TTC7B: variants seen among roughly 807,000 people sequenced by gnomAD.
TTC7B encodes the protein tetratricopeptide repeat protein 7B.
In TTC7B, 28 loss-of-function variants were observed where a neutral mutation model predicts 106.8. That is an observed-to-expected ratio of 0.26 (90% CI 0.19 to 0.36). The LOEUF is 0.36. Among genes scored for constraint, TTC7B ranks in the 10% least tolerant of loss-of-function variants. The pLI is 1.00. For synonymous variants in TTC7B, 405 were observed against 430.6 expected (o/e 0.94, Z 0.74); for missense variants, 862 against 1,076.4 (o/e 0.80, Z 2.79).
At chr14:90,762,508 CTTAA>C (rs1890533774) in intron 3 of TTC7B, among the ~76,000 whole-genome samples, 1 of 152,214 alleles carries the variant, frequency 6.6e-6, no homozygotes, top group Admixed American at 6.5e-5. Context: ...TGCTTAAAAA[CTTAA>C]TTAAGTCATT....
At chr14:90,765,702 G>A (rs988097994) in intron 3 of TTC7B, among the ~76,000 whole-genome samples, 3 of 152,272 alleles carry the variant, frequency 2.0e-5, no homozygotes, top group African/African-American at 7.2e-5. Context: ...TAGAAGCTGT[G>A]AACACATTCC....
chr14:90,736,365 G>T (rs1889526961), intron 4 of TTC7B, among the ~76,000 whole-genome samples: 1 of 152,114 alleles, frequency 6.6e-6, no homozygotes, highest in Non-Finnish European at 1.5e-5. Context: ...GTGGTCAGGA[G>T]TTCGAGAACA....
chr14:90,550,538 C>T (rs947137628), intron 19 of TTC7B, among the ~76,000 whole-genome samples: 5 of 152,224 alleles, frequency 3.3e-5, no homozygotes, highest in African/African-American at 1.2e-4. Flanking sequence ...CCTGAGGCTA[C>T]ATTTCCCAGC....
chr14:90,683,671 T>C (rs771151330), intron 7 of TTC7B, among the ~76,000 whole-genome samples: 2 of 152,122 alleles, frequency 1.3e-5, no homozygotes, highest in Non-Finnish European at 1.5e-5. Flanking sequence ...CGCAGCCCAG[T>C]GCAGGTCCAC....
chr14:90,752,914 A>G (rs994797257), intron 3 of TTC7B, among the ~76,000 whole-genome samples: 8 of 152,264 alleles, frequency 5.3e-5, no homozygotes, highest in Non-Finnish European at 1.2e-4. Flanking sequence ...ATCAAAGTCT[A>G]GAACTTTAGG....
chr14:90,790,686 G>A lies in TTC7B; in HGVS notation c.122-4358C>T, dbSNP rs551396717. Among the ~76,000 whole-genome samples the A allele has an allele frequency of 8.6e-5, 13 of 152,042 alleles. No individual in the cohort carries two copies. In the South Asian group the frequency reaches 1.5e-3, roughly 17 times the overall value. On this transcript the variant is annotated intron_variant, in intron 1 of 19. Coordinates refer to ENST00000328459, the MANE Select transcript of TTC7B (RefSeq NM_001010854.2). ...CTCCAAGCCAGGGAGCAGAAACAAC[G>A]GGAGATCAGGACCCCTGCTACCTAT...
chr14:90,586,970 C>T (rs1412603232), intron 18 of TTC7B, among the ~76,000 whole-genome samples: 1 of 152,202 alleles, frequency 6.6e-6, no homozygotes, highest in Non-Finnish European at 1.5e-5. Context: ...ATCCAACCTA[C>T]AACAAGTCCC....
chr14:90,764,545 A>G (rs1324384213), intron 3 of TTC7B, among the ~76,000 whole-genome samples: 2 of 152,178 alleles, frequency 1.3e-5, no homozygotes, highest in South Asian at 2.1e-4. Context: ...TGTAGAAAAT[A>G]TTTACAAACC....
At chr14:90,596,367 A>G (rs1459314341) in intron 17 of TTC7B, among the ~76,000 whole-genome samples, 2 of 152,210 alleles carry the variant, frequency 1.3e-5, no homozygotes, top group Non-Finnish European at 2.9e-5. Context: ...ATTTATACAC[A>G]ACTAAATCAA....
chr14:90,788,975 T>A (rs974438063), intron 1 of TTC7B, among the ~76,000 whole-genome samples: 7 of 151,618 alleles, frequency 4.6e-5, no homozygotes, highest in Non-Finnish European at 8.8e-5. Flanking sequence ...AAAAAAAAAA[T>A]TCCTCTAAAT....
At chr14:90,682,097 A>G (rs1227296055) in intron 7 of TTC7B, among the ~76,000 whole-genome samples, 4 of 152,208 alleles carry the variant, frequency 2.6e-5, no homozygotes. Flanking sequence ...TGCAACTAGG[A>G]TCTTGCAAAT....
At chr14:90,596,114 A>G (rs1325403323) in intron 17 of TTC7B, among the ~76,000 whole-genome samples, 2 of 152,090 alleles carry the variant, frequency 1.3e-5, no homozygotes, top group Non-Finnish European at 2.9e-5. Context: ...AAGTAAAAAC[A>G]TGTTTTTTTT....
intron 17 of TTC7B, among the ~76,000 whole-genome samples, chr14:90,601,763 T>C (rs1892433443): frequency 6.6e-6 from 1 of 152,194 alleles, no homozygotes; most frequent in Admixed American, 6.5e-5. Context: ...CTGCCCAGGG[T>C]GTAACTCAGG....
chr14:90,609,814 T>G (rs1892802815), intron 17 of TTC7B, among the ~76,000 whole-genome samples: 2 of 152,316 alleles, frequency 1.3e-5, no homozygotes, highest in Admixed American at 6.5e-5. Flanking sequence ...AGATTACAAC[T>G]GAATCATTGG....
At chr14:90,714,648 G>A (rs1052463749) in intron 5 of TTC7B, among the ~76,000 whole-genome samples, 1 of 151,888 alleles carries the variant, frequency 6.6e-6, no homozygotes, top group South Asian at 2.1e-4. Context: ...GTAGAGATGG[G>A]GTTTCACCAT....
intron 9 of TTC7B, among the ~76,000 whole-genome samples, chr14:90,672,849 T>G (rs1027369192): frequency 2.0e-5 from 3 of 152,226 alleles, no homozygotes; most frequent in African/African-American, 7.2e-5. Flanking sequence ...AGCATACAGT[T>G]GCCTCTTAAC....
In TTC7B at chr14:90,535,588, G is replaced by C. The variant is rs891042666; in HGVS notation, c.*5780C>G. 38 of 152,452 alleles carry C rather than the reference G, an allele frequency of 2.5e-4. No homozygotes were observed. The highest frequency in any genetic ancestry group is 2.4e-3 in the Admixed American group (37 of 15,278). 9.4% of individuals were successfully genotyped at this position (152,452 alleles called of 1,614,324 possible). A position where few individuals can be genotyped will look rare whatever the true frequency, so the allele number is the denominator to read the frequency against. Reference sequence around the variant, plus strand: ...CGAGGCCGCCTTCAACACTCAACACGGCCCCTTCCCCACCGGACTCCTAAC... The same window carrying C: ...CGAGGCCGCCTTCAACACTCAACACCGCCCCTTCCCCACCGGACTCCTAAC... On this transcript the variant is annotated 3_prime_UTR_variant, in exon 20 of 20. Transcript: ENST00000328459.
intron 8 of TTC7B, among the ~76,000 whole-genome samples, chr14:90,679,360 T>C (rs1377537228): frequency 6.6e-6 from 1 of 152,216 alleles, no homozygotes; most frequent in East Asian, 1.9e-4. Flanking sequence ...ATGTACGTTA[T>C]TATGCTCAGA....
intron 17 of TTC7B, among the ~76,000 whole-genome samples, chr14:90,607,358 C>G (rs569220742): frequency 6.6e-6 from 1 of 152,318 alleles, no homozygotes; most frequent in Admixed American, 6.5e-5. Context: ...GATGCTAACA[C>G]TGCAGGGCTC....
Sources: allele counts gnomAD v4.1 joint callset (sites outside exome capture counted in the v4.1 genomes callset), GRCh38; gene constraint gnomAD v4.1.1; transcripts MANE v1.5; gene names NCBI Gene and HGNC (gene_info 2026-07-23, HGNC 2026-07-21).